Variants in RNF150 observed in about 807,000 individuals in gnomAD.
The protein encoded by RNF150 is ring finger protein 150.
A neutral mutation model predicts 39.3 loss-of-function variants in RNF150; 24 were observed. The observed-to-expected ratio is 0.61, with a 90% confidence interval of 0.44 to 0.86. The LOEUF (loss-of-function observed/expected upper bound fraction) is 0.86, where lower values mean the gene tolerates loss of function less well. Ranked by LOEUF, RNF150 falls within the 40% of genes least tolerant of loss-of-function variation. The pLI is 0.00. For missense variants in RNF150, 502 were observed against 587.8 expected (o/e 0.85, Z 1.51); for synonymous variants, 255 against 227.3 (o/e 1.12, Z -1.10).
At chr4:141,093,378 A>G (rs866194050) in intron 1 of RNF150, among the ~76,000 whole-genome samples, 107 of 143,400 alleles carry the variant, frequency 7.5e-4, no homozygotes, top group Admixed American at 1.7e-3. Flanking sequence ...AAAAAAAAAA[A>G]GGGGGGGGAA....
chr4:141,005,652 T>C (rs1205174217), intron 1 of RNF150, among the ~76,000 whole-genome samples: 1 of 152,234 alleles, frequency 6.6e-6, no homozygotes, highest in Non-Finnish European at 1.5e-5. Flanking sequence ...GAAATGTGGC[T>C]ACAACAAATT....
intron 2 of RNF150, among the ~76,000 whole-genome samples, chr4:140,963,480 C>T (rs903111929): frequency 6.6e-6 from 1 of 151,898 alleles, no homozygotes; most frequent in Non-Finnish European, 1.5e-5. Flanking sequence ...TATTTTATTA[C>T]AATTAATTTA....
intron 3 of RNF150, among the ~76,000 whole-genome samples, chr4:140,948,185 T>C (rs1357428343): frequency 6.6e-6 from 1 of 152,222 alleles, no homozygotes; most frequent in African/African-American, 2.4e-5. Context: ...AGTGCTTATG[T>C]AATAGTCCTT....
chr4:140,953,642 T>C (rs1387962778), intron 2 of RNF150, among the ~76,000 whole-genome samples: 2 of 152,054 alleles, frequency 1.3e-5, no homozygotes, highest in African/African-American at 4.8e-5. Flanking sequence ...TGCATGCTTA[T>C]TCCTAAGTGA....
chr4:141,025,270 A>G (rs2110801151), intron 1 of RNF150, among the ~76,000 whole-genome samples: 1 of 152,276 alleles, frequency 6.6e-6, no homozygotes, highest in East Asian at 1.9e-4. Flanking sequence ...TTGTACCTGA[A>G]ATGATGAATA....
At chr4:141,172,692 G>C (rs1410233909) in intron 1 of RNF150, among the ~76,000 whole-genome samples, 1 of 152,068 alleles carries the variant, frequency 6.6e-6, no homozygotes, top group Non-Finnish European at 1.5e-5. Flanking sequence ...ACACTCACTT[G>C]AGCATTAATT....
chr4:140,899,974 C>CTCTCTCTCTCTCTGTGTG (rs1365683071), intron 6 of RNF150, among the ~76,000 whole-genome samples: 3 of 69,164 alleles, frequency 4.3e-5, no homozygotes, highest in African/African-American at 1.3e-4. Flanking sequence ...CTCTCTCTCT[C>CTCTCTCTCTCTCTGTGTG]TGTGTGTGTG....
At chr4:140,906,060 T>G (rs1348120950) in intron 6 of RNF150, among the ~76,000 whole-genome samples, 1 of 151,966 alleles carries the variant, frequency 6.6e-6, no homozygotes, top group Non-Finnish European at 1.5e-5. Context: ...GAAAAAAAAT[T>G]TTTTGGGGTA....
At chr4:140,964,336 T>C (rs1031310003) in intron 2 of RNF150, among the ~76,000 whole-genome samples, 1 of 151,924 alleles carries the variant, frequency 6.6e-6, no homozygotes, top group African/African-American at 2.4e-5. Context: ...GACAATAAAA[T>C]TGTTTATTAT....
In RNF150 at chr4:140,904,506, G is replaced by A. The variant is rs143217633; in HGVS notation, c.1198+6638C>T. On this transcript the variant is annotated intron_variant, in intron 6 of 6. Transcript: ENST00000515673. ...CAAGAACAGAGACTTCGCCATTTCA[G>A]GCTTTAATGCAAATCAAAAAAGCAG... Among the ~76,000 whole-genome samples, 10 of 152,274 alleles carry A rather than the reference G, an allele frequency of 6.6e-5. No homozygotes were observed. In the East Asian group the frequency reaches 1.9e-3, roughly 29 times the overall value.
At chr4:140,887,632 A>G (rs1729628237) in intron 6 of RNF150, among the ~76,000 whole-genome samples, 1 of 152,174 alleles carries the variant, frequency 6.6e-6, no homozygotes, top group Non-Finnish European at 1.5e-5. Flanking sequence ...CTGCTTGTAC[A>G]AGTGTCACCC....
chr4:141,123,622 T>C (rs1291041730), intron 1 of RNF150, among the ~76,000 whole-genome samples: 2 of 152,238 alleles, frequency 1.3e-5, no homozygotes, highest in Non-Finnish European at 2.9e-5. Flanking sequence ...TACATATGTA[T>C]ACATGTGCCA....
intron 1 of RNF150, among the ~76,000 whole-genome samples, chr4:141,098,071 A>C (rs1738867209): frequency 6.6e-6 from 1 of 152,172 alleles, no homozygotes; most frequent in Admixed American, 6.5e-5. Flanking sequence ...AACTCCAATT[A>C]GCATCAGTAT....
chr4:141,026,472 A>G (rs28663149), intron 1 of RNF150, among the ~76,000 whole-genome samples: 2 of 152,036 alleles, frequency 1.3e-5, no homozygotes, highest in South Asian at 4.2e-4. Flanking sequence ...ACTGGATCAC[A>G]CAGGGGCTCC....
At chr4:140,999,331 T>C (rs1175582314) in intron 1 of RNF150, among the ~76,000 whole-genome samples, 1 of 152,358 alleles carries the variant, frequency 6.6e-6, no homozygotes, top group East Asian at 1.9e-4. Flanking sequence ...GAGAAAGCCC[T>C]ATGAATATTC....
chr4:140,875,162 CGTT>C (rs1729106247), intron 6 of RNF150, among the ~76,000 whole-genome samples: 1 of 141,616 alleles, frequency 7.1e-6, no homozygotes, highest in African/African-American at 2.7e-5. Context: ...ACAATCATTA[CGTT>C]TTTTTTTTTT....
chr4:141,188,238 C>T (rs1728047013), intron 1 of RNF150, among the ~76,000 whole-genome samples: 1 of 152,168 alleles, frequency 6.6e-6, no homozygotes, highest in African/African-American at 2.4e-5. Flanking sequence ...ATGGGCTTCC[C>T]TTTGTGGGTA....
intron 1 of RNF150, among the ~76,000 whole-genome samples, chr4:141,155,067 G>A (rs1727361248): frequency 6.6e-6 from 1 of 151,894 alleles, no homozygotes; most frequent in South Asian, 2.1e-4. Context: ...CTATACATTT[G>A]GAGAGGAGAG....
rs1264185856 is a variant in RNF150, at chr4:140,861,736, T to C, written c.*6525A>G. 1 of 152,190 alleles carries C rather than the reference T, an allele frequency of 6.6e-6. No homozygotes were observed. Among genetic ancestry groups the C allele is most frequent in the Non-Finnish European group, 1.5e-5 (1 of 68,020 alleles). 9.4% of individuals were successfully genotyped at this position (152,190 alleles called of 1,614,324 possible). The stretch of plus-strand genomic sequence containing the variant: ...ACTATATTTAGCTAGCTCTTATACA[T>C]GAAAATTCTTTGGCTATTTAAAATC... On this transcript the variant is annotated 3_prime_UTR_variant, in exon 7 of 7. Transcript: ENST00000515673.
Sources: gnomAD v4.1 joint callset for allele counts (sites outside exome capture counted in the v4.1 genomes callset) on GRCh38, gnomAD v4.1.1 for gene constraint, MANE v1.5 for transcripts, NCBI Gene and HGNC (gene_info 2026-07-23, HGNC 2026-07-21) for gene names.